Variants in TNS1 observed in about 807,000 individuals in gnomAD.
TNS1 encodes the protein tensin 1.
A neutral mutation model predicts 168.6 loss-of-function variants in TNS1; 62 were observed. The observed-to-expected ratio is 0.37, with a 90% CI of 0.30 to 0.45. TNS1 has a LOEUF of 0.45. Among genes scored for constraint, TNS1 ranks in the 20% least tolerant of loss-of-function variants. TNS1 has a pLI of 1.00. For synonymous variants in TNS1, 934 were observed against 933.2 expected (o/e 1.00, Z -0.02); for missense variants, 2,240 against 2,339.4 (o/e 0.96, Z 0.88).
At chr2:217,898,927 T>C (rs895638248) in intron 7 of TNS1, among the ~76,000 whole-genome samples, 1 of 152,180 alleles carries the variant, frequency 6.6e-6, no homozygotes, top group African/African-American at 2.4e-5. Context: ...TCCAGCTTTT[T>C]CCCCAATCAT....
intron 3 of TNS1, among the ~76,000 whole-genome samples, chr2:217,978,201 G>A (rs1957941602): frequency 6.6e-6 from 1 of 152,154 alleles, no homozygotes; most frequent in Admixed American, 6.5e-5. Flanking sequence ...TGGGGAAATT[G>A]AGGACCAAAA....
intron 3 of TNS1, among the ~76,000 whole-genome samples, chr2:217,963,297 G>A (rs1957544344): frequency 6.6e-6 from 1 of 152,194 alleles, no homozygotes; most frequent in African/African-American, 2.4e-5. Flanking sequence ...ATTGGCACAG[G>A]TGCTCCGGCA....
chr2:217,890,926 C>T (rs1331552373), intron 12 of TNS1, 36 bp downstream of exon 12: 1 of 1,601,728 alleles, frequency 6.2e-7, no homozygotes, highest in Non-Finnish European at 8.6e-7. Flanking sequence ...TGAGTGCACA[C>T]ATACATGCAA....
chr2:217,862,562 G>A (rs1948877861), intron 18 of TNS1, among the ~76,000 whole-genome samples: 1 of 152,236 alleles, frequency 6.6e-6, no homozygotes, highest in Admixed American at 6.5e-5. Flanking sequence ...CGCACTGTGG[G>A]CAGTCAGCCC....
At position 217,885,793 on chromosome 2, in the gene TNS1, C is replaced by T; in HGVS notation, c.1067G>A (p.Ser356Asn). ...TCCTGGCTCGATGGTGATGCAGACG[C>T]TAGTCTGGCTGTCTCCTGGGATGTT... Reference protein sequence around the residue: ...IYNIPGDSQTSVCITIEPGLL... With the variant: ...IYNIPGDSQTNVCITIEPGLL... The change falls in exon 15 of 33, where the codon AGC (serine) becomes AAC (asparagine). Residue 356 changes from serine to asparagine, a missense_variant. Ser to Asn is a conservative substitution (Grantham distance 46). Coordinates refer to ENST00000682258, the MANE Select transcript of TNS1 (RefSeq NM_001387777.1). The T allele has an allele frequency of 6.2e-7, 1 of 1,614,158 alleles. No individual in the cohort carries two copies. Among genetic ancestry groups the T allele is most frequent in the Non-Finnish European group, 8.5e-7 (1 of 1,180,016 alleles).
At chr2:217,947,916 G>A (rs1035768178) in intron 3 of TNS1, among the ~76,000 whole-genome samples, 4 of 152,162 alleles carry the variant, frequency 2.6e-5, no homozygotes, top group Admixed American at 6.5e-5. Flanking sequence ...ACACAGATGC[G>A]CGTGAAAATG....
At chr2:217,902,006 T>C (rs1194206761) in intron 6 of TNS1, 1 of 152,098 alleles carries the variant, frequency 6.6e-6, no homozygotes, top group African/African-American at 2.4e-5. Context: ...CAAGTGGGGC[T>C]ACTGGGGGGA....
At chr2:217,978,880 C>G (rs1321538370) in intron 2 of TNS1, 78 bp from the exon 3 acceptor site, 3 of 698,748 alleles carry the variant, frequency 4.3e-6, no homozygotes, top group Non-Finnish European at 7.9e-6. Flanking sequence ...CTCCTCCCAC[C>G]CCAGCCCGCA....
intron 11 of TNS1, 43 bp downstream of exon 11, chr2:217,892,905 A>T: frequency 1.2e-6 from 2 of 1,603,078 alleles, no homozygotes; most frequent in Non-Finnish European, 1.7e-6. Flanking sequence ...GGGGGGTCAC[A>T]CTGTCGATGT....
intron 3 of TNS1, among the ~76,000 whole-genome samples, chr2:217,974,892 C>T (rs1193602815): frequency 6.6e-6 from 1 of 152,152 alleles, no homozygotes; most frequent in Admixed American, 6.5e-5. Flanking sequence ...TCCAAGATGG[C>T]CCCCACTGAT....
chr2:217,900,420 C>T (rs930492415), intron 7 of TNS1, 43 bp downstream of exon 7: 2 of 1,531,608 alleles, frequency 1.3e-6, no homozygotes, highest in East Asian at 4.9e-5. Context: ...CAGTGACCCC[C>T]CTGCTTGCAC....
At chr2:217,964,786 G>A (rs370584260) in intron 3 of TNS1, among the ~76,000 whole-genome samples, 2 of 152,168 alleles carry the variant, frequency 1.3e-5, no homozygotes, top group Non-Finnish European at 2.9e-5. Flanking sequence ...CCTCGCTTGG[G>A]TGCGCCGGGC....
Position 217,880,844 on chromosome 2 carries a change from G to T in TNS1, c.1429+54C>A. On this transcript the variant is annotated intron_variant, in intron 18 of 32. Coordinates refer to ENST00000682258, the MANE Select transcript of TNS1 (RefSeq NM_001387777.1). This position sits in a 1 kb window ranked among gnomAD's most constrained non-coding sequence, Gnocchi z 4.2. ...CAGGCCAAGAGAAGCAAGGTCATGTGAGCAGAGGCTGTGCAGTTTGGATAG... is the reference window on the plus strand; with the variant it reads ...CAGGCCAAGAGAAGCAAGGTCATGTTAGCAGAGGCTGTGCAGTTTGGATAG... 1.5e-6 allele frequency: 2 copies of T among 1,358,426 alleles called. No individual in the cohort carries two copies. Among genetic ancestry groups the T allele is most frequent in the Non-Finnish European group, 2.1e-6 (2 of 948,222 alleles). 84.1% of individuals were successfully genotyped at this position (1,358,426 alleles called of 1,614,324 possible). A position where few individuals can be genotyped will look rare whatever the true frequency, so the allele number is the denominator to read the frequency against.
chr2:218,020,496 G>A (rs1958798070), intron 1 of TNS1, among the ~76,000 whole-genome samples: 2 of 149,128 alleles, frequency 1.3e-5, no homozygotes, highest in African/African-American at 5.0e-5. Context: ...TGACCCCTGA[G>A]CTGCCTGGGG....
At chr2:217,900,213 T>G (rs951936474) in intron 7 of TNS1, among the ~76,000 whole-genome samples, 4 of 152,224 alleles carry the variant, frequency 2.6e-5, no homozygotes, top group African/African-American at 7.2e-5. Flanking sequence ...TGCGGGGTTG[T>G]TGCAAGGACT....
chr2:217,902,061 T>G (rs1953060599), intron 6 of TNS1: 1 of 150,618 alleles, frequency 6.6e-6, no homozygotes, highest in African/African-American at 2.5e-5. Context: ...GACTCCAGTT[T>G]GCATGAGTCA....
rs754559994 is a variant in TNS1 at position 217,812,438 on chromosome 2, C to A, written c.4962G>T (p.Leu1654=). 1 of 1,614,058 alleles carries A rather than the reference C, an allele frequency of 6.2e-7. No homozygotes were observed. The highest frequency in any genetic ancestry group is 8.5e-7 in the Non-Finnish European group (1 of 1,179,990). ...TGGAGTGCTGGTAGACCAGGGCAGA[C>A]AGCGATCCTGTAGGGAGGCAGACGG... is the stretch of plus-strand genomic sequence containing the variant. ...GCPNEPNFGS[L]SALVYQHSII... The change falls in exon 28 of 33, where the codon CTG becomes CTT. Residue 1654 remains leucine, a synonymous_variant. Coordinates refer to ENST00000682258, the MANE Select transcript of TNS1 (RefSeq NM_001387777.1).
chr2:218,022,005 G>C (rs1386804873), intron 1 of TNS1, among the ~76,000 whole-genome samples: 2 of 152,056 alleles, frequency 1.3e-5, no homozygotes, highest in African/African-American at 4.8e-5. Flanking sequence ...TCTGGGGAAG[G>C]CTGAAATACC....
intron 25 of TNS1, among the ~76,000 whole-genome samples, chr2:217,814,339 C>T (rs1027763290): frequency 1.3e-5 from 2 of 152,130 alleles, no homozygotes; most frequent in African/African-American, 2.4e-5. Flanking sequence ...TGTAAATGGC[C>T]GGAGAGTAAA....
Sources: gnomAD v4.1 joint callset for allele counts (sites outside exome capture counted in the v4.1 genomes callset) on GRCh38, gnomAD v4.1.1 for gene constraint, Gnocchi (gnomAD v3.1) non-coding constraint, MANE v1.5 for transcripts, NCBI Gene and HGNC (gene_info 2026-07-23, HGNC 2026-07-21) for gene names.